The following ASAP1 variants were observed in gnomAD, a reference collection of about 807,000 sequenced individuals.
The protein encoded by ASAP1 is arf-GAP with SH3 domain, ANK repeat and PH domain-containing protein 1.
Under a neutral mutation model 145.2 loss-of-function variants are expected in ASAP1, and 43 were observed. The observed-to-expected ratio is 0.30, with a 90% CI of 0.23 to 0.38. The LOEUF is 0.38. ASAP1 is among the 10% of genes least tolerant of loss of function. The pLI, the probability that ASAP1 is intolerant of heterozygous loss-of-function variation, is 1.00. For synonymous variants in ASAP1, 546 were observed against 515.5 expected (o/e 1.06, Z -0.80); for missense variants, 1,018 against 1,355.3 (o/e 0.75, Z 3.91).
At chr8:130,173,965 C>T (rs1267978014) in intron 9 of ASAP1, among the ~76,000 whole-genome samples, 3 of 151,628 alleles carry the variant, frequency 2.0e-5, no homozygotes, top group African/African-American at 7.3e-5. Context: ...CCTGTAGTCC[C>T]AGCTACTTGG....
rs764121882 is a variant in ASAP1 at position 130,308,670 on chromosome 8, T to C, written c.186+49347A>G. Among the ~76,000 whole-genome samples, 75 of 152,182 alleles carry C rather than the reference T, an allele frequency of 4.9e-4. 1 individual carries two copies. Among genetic ancestry groups the C allele is most frequent in the Non-Finnish European group, 8.7e-4 (59 of 68,030 alleles). ...CAACAATAGATTTAATTTTTCAACA[T>C]CTATATTTTTGACAGACATAAAACA... On this transcript the variant is annotated intron_variant, in intron 3 of 29. Transcript: ENST00000518721.
intron 7 of ASAP1, among the ~76,000 whole-genome samples, chr8:130,181,411 A>G (rs904955422): frequency 3.9e-5 from 6 of 152,238 alleles, no homozygotes; most frequent in African/African-American, 9.6e-5. Flanking sequence ...AAGAATCAGA[A>G]AGTTGGAGAC....
At chr8:130,274,804 C>G (rs1820784941) in intron 3 of ASAP1, among the ~76,000 whole-genome samples, 1 of 152,202 alleles carries the variant, frequency 6.6e-6, no homozygotes, top group African/African-American at 2.4e-5. Context: ...CCACATAAAG[C>G]CTTCCTGAAT....
At chr8:130,201,085 G>A (rs1421885701) in intron 5 of ASAP1, among the ~76,000 whole-genome samples, 3 of 152,168 alleles carry the variant, frequency 2.0e-5, no homozygotes, top group African/African-American at 7.2e-5. Context: ...CCAAGAGTGG[G>A]TCCCAGCAAC....
chr8:130,086,573 G>A (rs2097493652), intron 25 of ASAP1, among the ~76,000 whole-genome samples: 1 of 152,248 alleles, frequency 6.6e-6, no homozygotes, highest in Admixed American at 6.5e-5. Context: ...GGGAGGCCAA[G>A]GCAGGTGGAT....
intron 27 of ASAP1, among the ~76,000 whole-genome samples, chr8:130,067,892 G>A (rs1357806771): frequency 6.6e-6 from 1 of 152,132 alleles, no homozygotes; most frequent in Non-Finnish European, 1.5e-5. Flanking sequence ...TATTAATAGC[G>A]ACATAAAAAT....
chr8:130,192,183 G>A (rs761509034), intron 5 of ASAP1, among the ~76,000 whole-genome samples: 11 of 152,062 alleles, frequency 7.2e-5, no homozygotes, highest in Admixed American at 2.0e-4. Context: ...CATTCTGTGA[G>A]GCTCTAAGAC....
At chr8:130,284,753 A>G (rs2137231611) in intron 3 of ASAP1, among the ~76,000 whole-genome samples, 1 of 152,112 alleles carries the variant, frequency 6.6e-6, no homozygotes, top group Non-Finnish European at 1.5e-5. Context: ...TGCACAGAAG[A>G]AAAAAACATC....
chr8:130,264,637 C>G (rs1391050165), intron 3 of ASAP1, among the ~76,000 whole-genome samples: 1 of 152,170 alleles, frequency 6.6e-6, no homozygotes, highest in African/African-American at 2.4e-5. Context: ...TCACGCACAA[C>G]ATATTTCATT....
intron 1 of ASAP1, among the ~76,000 whole-genome samples, chr8:130,439,261 C>T (rs896510662): frequency 1.3e-5 from 2 of 152,138 alleles, no homozygotes; most frequent in African/African-American, 4.8e-5. Context: ...TTCTTCCCAG[C>T]GCTGCCAGGA....
chr8:130,338,094 C>T (rs556003454), intron 3 of ASAP1, among the ~76,000 whole-genome samples: 7 of 152,286 alleles, frequency 4.6e-5, no homozygotes, highest in South Asian at 2.1e-4. Flanking sequence ...GGGGATAAGA[C>T]GACCTAAGGA....
intron 3 of ASAP1, among the ~76,000 whole-genome samples, chr8:130,345,773 A>C (rs1229813724): frequency 1.3e-5 from 2 of 152,204 alleles, no homozygotes; most frequent in Non-Finnish European, 2.9e-5. Flanking sequence ...GGAGTTGAAG[A>C]CTAGCCTGGG....
intron 27 of ASAP1, among the ~76,000 whole-genome samples, chr8:130,071,012 GAGAGAGA>G (rs2097445006): frequency 6.8e-5 from 2 of 29,398 alleles, no homozygotes; most frequent in Non-Finnish European, 1.5e-4. Flanking sequence ...GGGAGGGGGG[GAGAGAGA>G]GAGAGAGAGA....
At chr8:130,067,550 C>T (rs1332354238) in intron 27 of ASAP1, among the ~76,000 whole-genome samples, 1 of 152,160 alleles carries the variant, frequency 6.6e-6, no homozygotes, top group Non-Finnish European at 1.5e-5. Context: ...TGCGGACCAC[C>T]ACACTCTGCT....
intron 3 of ASAP1, among the ~76,000 whole-genome samples, chr8:130,328,207 T>C (rs185154172): frequency 3.8e-4 from 58 of 151,946 alleles, no homozygotes; most frequent in Admixed American, 1.4e-3. Context: ...CCACGACTGG[T>C]GGACAAAAAA....
chr8:130,118,961 T>C (rs1362970049), intron 18 of ASAP1, among the ~76,000 whole-genome samples: 1 of 152,164 alleles, frequency 6.6e-6, no homozygotes, highest in Non-Finnish European at 1.5e-5. Flanking sequence ...AATCAACTAT[T>C]TATAAATACT....
chr8:130,165,346 C>CA (rs2097677857), intron 11 of ASAP1, among the ~76,000 whole-genome samples: 1 of 151,988 alleles, frequency 6.6e-6, no homozygotes, highest in Non-Finnish European at 1.5e-5. Flanking sequence ...CAACAATAAA[C>CA]AAAAAAACCC....
At position 130,168,981 on chromosome 8, in the gene ASAP1, A is replaced by G. The variant is rs1484164691; in HGVS notation, c.822+11T>C. The G allele has an allele frequency of 4.0e-6, 6 of 1,498,526 alleles. No individual in the cohort carries two copies. The Admixed American group carries it at 1.3e-4, about 33-fold the overall frequency. 92.8% of individuals were successfully genotyped at this position (1,498,526 alleles called of 1,614,324 possible). Reference sequence around the variant, plus strand: ...GCAAGTTAAACTGCATGTATTTTATAAAGAACTTACATTATATAAATCAGC... The same window carrying G: ...GCAAGTTAAACTGCATGTATTTTATGAAGAACTTACATTATATAAATCAGC... On this transcript the variant is annotated intron_variant, in intron 10 of 29. Coordinates refer to ENST00000518721, the MANE Select transcript of ASAP1 (RefSeq NM_018482.4).
intron 24 of ASAP1, among the ~76,000 whole-genome samples, chr8:130,099,700 T>TTG (rs35874860): frequency 0.1 from 12,701 of 125,010 alleles, 809 homozygotes; most frequent in South Asian, 0.27. Flanking sequence ...TTTTTTTTTT[T>TTG]GAGACAGAGT....
Sources: gnomAD v4.1 joint callset for allele counts (sites outside exome capture counted in the v4.1 genomes callset) on GRCh38, gnomAD v4.1.1 for gene constraint, MANE v1.5 for transcripts, NCBI Gene and HGNC (gene_info 2026-07-23, HGNC 2026-07-21) for gene names.